The following PDE4C variants were observed in gnomAD, a reference collection of about 807,000 sequenced individuals.
PDE4C encodes 3',5'-cyclic-AMP phosphodiesterase 4C.
Under a neutral mutation model 63.9 loss-of-function variants are expected in PDE4C, and 50 were observed. The observed-to-expected ratio is 0.78, with a 90% CI of 0.62 to 0.99. PDE4C has a LOEUF of 0.99. Ranked by LOEUF, PDE4C falls within the 50% of genes least tolerant of loss-of-function variation. The pLI, the probability that PDE4C is intolerant of heterozygous loss-of-function variation, is 0.00. For synonymous variants in PDE4C, 377 were observed against 385.1 expected, an observed-to-expected ratio of 0.98 and a Z score of 0.25; for missense variants, 777 against 899.1, an observed-to-expected ratio of 0.86 and a Z score of 1.74.
intron 1 of PDE4C, among the ~76,000 whole-genome samples, chr19:18,240,088 C>T (rs539030139): frequency 6.6e-5 from 10 of 151,346 alleles, no homozygotes; most frequent in African/African-American, 7.3e-5. Context: ...CTCAGCCTCC[C>T]GAGTAGCTGG....
chr19:18,208,619 T>C (rs1203895972), downstream of PDE4C: 5 of 152,132 alleles, frequency 3.3e-5, no homozygotes, highest in Non-Finnish European at 5.9e-5. Context: ...ATCAGTGAAA[T>C]GGCCAGGACA....
rs747587079 is a variant in PDE4C at position 18,220,764 on chromosome 19, G to A, written c.499+110C>T. 2.8e-6 allele frequency: 3 copies of A among 1,077,664 alleles called. 1 individual carries two copies. The South Asian group carries it at 4.0e-5, about 14-fold the overall frequency. 66.8% of individuals were successfully genotyped at this position (1,077,664 alleles called of 1,614,324 possible). A position where few individuals can be genotyped will look rare whatever the true frequency, so the allele number is the denominator to read the frequency against. ...CGAGGGCGTTATTGTTTTTGCAGGG[G>A]CGGGGCTACAATTAGCCCCAGTATA... is the stretch of plus-strand genomic sequence containing the variant. On this transcript the variant is annotated intron_variant, in intron 5 of 14. Coordinates refer to ENST00000262805, the Ensembl canonical transcript of PDE4C. This position sits in a 1 kb window ranked among gnomAD's most constrained non-coding sequence, Gnocchi z 5.1.
chr19:18,227,451 T>G (rs1968763836), upstream of PDE4C, among the ~76,000 whole-genome samples: 1 of 152,190 alleles, frequency 6.6e-6, no homozygotes, highest in African/African-American at 2.4e-5. Context: ...CTGCCAAGTC[T>G]TCTGTCCTGC....
chr19:18,221,052 G>GCCAGGCCCCCCCCCCCCCCT, intron 4 of PDE4C, 53 bp downstream of exon 4: 1 of 1,245,312 alleles, frequency 8.0e-7, no homozygotes, highest in Non-Finnish European at 1.1e-6. Flanking sequence ...CCCGCTTTCC[G>GCCAGGCCCCCCCCCCCCCCT]CCCACCTTGT....
At chr19:18,209,903 AG>A (rs1169974935), downstream of PDE4C, 5 of 152,130 alleles carry the variant, frequency 3.3e-5, no homozygotes, top group Admixed American at 3.3e-4. Flanking sequence ...CATGTTGGCC[AG>A]GCTGGTCTCG....
At chr19:18,248,452 A>G, upstream of PDE4C, among the ~76,000 whole-genome samples, 3 of 103,380 alleles carry the variant, frequency 2.9e-5, no homozygotes, top group Admixed American at 1.0e-4. Context: ...GGGCAGAGGA[A>G]GGAGGGGGGA....
At chr19:18,210,622 G>A (rs868389082) in exon 15 of PDE4C, 8 of 287,128 alleles carry the variant, frequency 2.8e-5, no homozygotes, top group Admixed American at 4.7e-5. Context: ...TGGAGAGGGT[G>A]GACTAGAGGC....
chr19:18,250,416 C>T (rs2287657), upstream of PDE4C: 94,603 of 398,884 alleles, frequency 0.24, 12,237 homozygotes, highest in East Asian at 0.29. Flanking sequence ...AGCAAACACA[C>T]GACCACCACC....
chr19:18,247,059 A>G (rs1369201278), intron 1 of PDE4C, among the ~76,000 whole-genome samples: 3 of 152,202 alleles, frequency 2.0e-5, no homozygotes, highest in African/African-American at 7.2e-5. Context: ...GAATGGGGGC[A>G]CTGGCTGTGA....
chr19:18,221,130 G>C (rs772172919), exon 4 of PDE4C: 2 of 1,590,994 alleles, frequency 1.3e-6, no homozygotes, highest in Admixed American at 3.7e-5. Context: ...CATTGCTGGC[G>C]GGCAAGGGCC....
At chr19:18,222,904 T>C (rs970652753) in intron 1 of PDE4C, among the ~76,000 whole-genome samples, 59 of 152,120 alleles carry the variant, frequency 3.9e-4, no homozygotes, top group Middle Eastern at 3.4e-3. Flanking sequence ...CTCACTATTT[T>C]GCCCAGGCTG....
rs146460950 is a variant in PDE4C, at chr19:18,225,346, G to A, written c.146+924C>T. 2.9e-3 allele frequency among the ~76,000 whole-genome samples: 449 copies of A among 152,290 alleles called. 3 individuals are homozygous for A. Among genetic ancestry groups the A allele is most frequent in the South Asian group, 8.5e-3 (41 of 4,826 alleles). On this transcript the variant is annotated intron_variant, in intron 1 of 14. Coordinates refer to ENST00000262805, the Ensembl canonical transcript of PDE4C. ...GCGCTGTCTCTAGCGCCTTCAAAAGGGAATGTGCTTCGCTAGTGTTTGGTG... is the reference window on the plus strand; with the variant it reads ...GCGCTGTCTCTAGCGCCTTCAAAAGAGAATGTGCTTCGCTAGTGTTTGGTG...
chr19:18,225,932 A>G (rs962139253), intron 1 of PDE4C: 4 of 221,354 alleles, frequency 1.8e-5, no homozygotes, highest in Non-Finnish European at 3.6e-5. Context: ...TGCCTGCCCC[A>G]GGCCGGCGAG....
At chr19:18,211,847 A>G (rs757483177) in exon 14 of PDE4C, 1 of 1,614,238 alleles carries the variant, frequency 6.2e-7, no homozygotes, top group East Asian at 2.2e-5. Context: ...CTGCTGGAAG[A>G]ACTCGGCCAT....
chr19:18,213,633 C>T (rs1600060103), intron 12 of PDE4C, 143 bp from the exon 13 acceptor site: 1 of 951,568 alleles, frequency 1.1e-6, no homozygotes, highest in East Asian at 2.9e-5. Context: ...GATGCAACTG[C>T]ATTCACTGCA....
exon 1 of PDE4C, chr19:18,233,447 G>A (rs1330068844): frequency 1.1e-5 from 7 of 662,406 alleles, no homozygotes; most frequent in Non-Finnish European, 1.9e-5. Flanking sequence ...GGGTGTTGAA[G>A]CTAGGGGCTG....
intron 1 of PDE4C, among the ~76,000 whole-genome samples, chr19:18,245,326 G>A (rs1383092810): frequency 6.6e-6 from 1 of 151,964 alleles, no homozygotes; most frequent in Non-Finnish European, 1.5e-5. Context: ...ACAACACCCA[G>A]CTTATTTTTT....
At chr19:18,216,539 T>C (rs1406684570) in intron 12 of PDE4C, among the ~76,000 whole-genome samples, 1 of 152,066 alleles carries the variant, frequency 6.6e-6, no homozygotes, top group African/African-American at 2.4e-5. Flanking sequence ...CTTCCCAAAG[T>C]GTTAGGATTA....
upstream of PDE4C, among the ~76,000 whole-genome samples, chr19:18,234,556 G>A (rs141313962): frequency 6.6e-6 from 1 of 152,292 alleles, no homozygotes; most frequent in South Asian, 2.1e-4. Flanking sequence ...GCAGAAAGAG[G>A]TGAGATTTTG....
Sources: gnomAD v4.1 joint callset for allele counts (sites outside exome capture counted in the v4.1 genomes callset) on GRCh38, gnomAD v4.1.1 for gene constraint, Gnocchi (gnomAD v3.1) non-coding constraint, MANE v1.5 for transcripts, NCBI Gene and HGNC (gene_info 2026-07-23, HGNC 2026-07-21) for gene names.